MS4A4A: variants seen among roughly 807,000 people sequenced by gnomAD.
MS4A4A encodes membrane-spanning 4-domains subfamily A member 4A.
Under a neutral mutation model 28.0 loss-of-function variants are expected in MS4A4A, and 26 were observed. The ratio of observed to expected loss-of-function variants is 0.93; its 90% CI spans 0.68 to 1.29. The LOEUF (loss-of-function observed/expected upper bound fraction) is 1.29. Ranked by LOEUF, MS4A4A falls within the 50% of genes most tolerant of loss-of-function variation. The probability of loss-of-function intolerance (pLI) is 0.00; values close to 1 mark genes in which losing one functional copy is unlikely to be tolerated. For synonymous variants in MS4A4A, 86 were observed against 100.8 expected (o/e 0.85, Z 0.88); for missense variants, 290 against 293.1 (o/e 0.99, Z 0.08).
At chr11:60,306,472 A>G (rs548037993) in intron 6 of MS4A4A, among the ~76,000 whole-genome samples, 66 of 152,324 alleles carry the variant, frequency 4.3e-4, no homozygotes, top group African/African-American at 1.6e-3. Flanking sequence ...TGGAGAACTC[A>G]TGACAATGTA....
At chr11:60,300,868 C>A in intron 3 of MS4A4A, 133 bp from the exon 4 acceptor site, 1 of 617,498 alleles carries the variant, frequency 1.6e-6, no homozygotes, top group South Asian at 2.1e-5. Context: ...AAATAATGTG[C>A]AAACCTTTGT....
At chr11:60,297,418 A>G in intron 3 of MS4A4A, 93 bp downstream of exon 3, 1 of 1,432,766 alleles carries the variant, frequency 7.0e-7, no homozygotes, top group Admixed American at 2.1e-5. Context: ...GTATCTTGTA[A>G]TTCTGTAAAT....
Position 60,308,535 on chromosome 11 carries a change from A to G in MS4A4A, c.*357A>G, listed in dbSNP as rs943925179. ...TTGGCAAATAAGGTTTGGAAGCAGA[A>G]GAGCAAAAAAAAGATATTGTTAAAA... On this transcript the variant is annotated 3_prime_UTR_variant, in exon 7 of 7. Coordinates refer to ENST00000337908, the MANE Select transcript of MS4A4A (RefSeq NM_148975.3). 1.1e-5 allele frequency: 2 copies of G among 188,834 alleles called. No individual in the cohort carries two copies. The highest frequency in any genetic ancestry group is 4.7e-5 in the African/African-American group (2 of 42,932). The allele number at this position is 188,834 out of a possible 1,614,324, so 11.7% of individuals were successfully genotyped here.
At chr11:60,296,928 G>A (rs576728820) in intron 2 of MS4A4A, 46 of 371,470 alleles carry the variant, frequency 1.2e-4, no homozygotes, top group African/African-American at 8.1e-4. Context: ...AAGTAACATC[G>A]TAGGTATCAG....
chr11:60,291,590 G>A (rs936145608), intron 1 of MS4A4A, among the ~76,000 whole-genome samples: 1 of 152,010 alleles, frequency 6.6e-6, no homozygotes, highest in Non-Finnish European at 1.5e-5. Flanking sequence ...ACAAGGTCAG[G>A]AGATGGAGAC....
At chr11:60,289,027 A>C (rs1565143826) in intron 1 of MS4A4A, among the ~76,000 whole-genome samples, 1 of 152,114 alleles carries the variant, frequency 6.6e-6, no homozygotes, top group Admixed American at 6.5e-5. Context: ...CAGCAGGTAG[A>C]GAGTAGACAG....
intron 1 of MS4A4A, among the ~76,000 whole-genome samples, chr11:60,281,707 A>T (rs1461518055): frequency 1.3e-5 from 2 of 152,148 alleles, no homozygotes; most frequent in African/African-American, 4.8e-5. Context: ...AAAATGAGGA[A>T]ATAAGAGACT....
At chr11:60,307,159 A>G (rs1208313424) in intron 6 of MS4A4A, among the ~76,000 whole-genome samples, 1 of 152,192 alleles carries the variant, frequency 6.6e-6, no homozygotes, top group Non-Finnish European at 1.5e-5. Context: ...GACAAAACCA[A>G]CAGCCAAATA....
chr11:60,302,937 T>C (rs1488430415), intron 5 of MS4A4A, among the ~76,000 whole-genome samples: 1 of 152,230 alleles, frequency 6.6e-6, no homozygotes, highest in East Asian at 1.9e-4. Flanking sequence ...AGAAAGCTTA[T>C]AGTTATAGAA....
chr11:60,308,260 T>G lies in MS4A4A; in HGVS notation c.*82T>G, dbSNP rs76673655. 0.015 allele frequency: 19,851 copies of G among 1,316,270 alleles called. 199 individuals are homozygous for G. Among genetic ancestry groups the G allele is most frequent in the Non-Finnish European group, 0.018 (16,317 of 915,816 alleles). The allele number at this position is 1,316,270 out of a possible 1,614,324, so 81.5% of individuals were successfully genotyped here. A position where few individuals can be genotyped will look rare whatever the true frequency, so the allele number is the denominator to read the frequency against. On this transcript the variant is annotated 3_prime_UTR_variant, in exon 7 of 7. Coordinates refer to ENST00000337908, the MANE Select transcript of MS4A4A (RefSeq NM_148975.3). The stretch of plus-strand genomic sequence containing the variant: ...AGAGCCTCACATGAGAAATTACCAG[T>G]ATCCAACTTCGATACTGATAGACTT...
intron 2 of MS4A4A, among the ~76,000 whole-genome samples, chr11:60,293,430 C>T (rs899346440): frequency 6.6e-6 from 1 of 152,150 alleles, no homozygotes; most frequent in South Asian, 2.1e-4. Flanking sequence ...ATCCCATATG[C>T]CCCTTGCCCC....
rs369101896 is a variant in MS4A4A at position 60,303,095 on chromosome 11, T to C, written c.546+378T>C. Among the ~76,000 whole-genome samples the C allele has an allele frequency of 6.6e-5, 10 of 152,340 alleles. No homozygotes were observed. In the South Asian group the frequency reaches 1.9e-3, roughly 28 times the overall value. On this transcript the variant is annotated intron_variant, in intron 5 of 6. Transcript: ENST00000337908. ...ATTCTCTAATAATGAAGTAAAATTG[T>C]CTTGAACAGTATTTTACAAGTGGTG...
At chr11:60,306,655 TGA>T (rs1232963801) in intron 6 of MS4A4A, among the ~76,000 whole-genome samples, 2 of 152,152 alleles carry the variant, frequency 1.3e-5, no homozygotes, top group Non-Finnish European at 2.9e-5. Context: ...CATCCACACT[TGA>T]GAGAAGGGAA....
intron 1 of MS4A4A, among the ~76,000 whole-genome samples, chr11:60,287,549 GC>G (rs1205112065): frequency 1.3e-5 from 2 of 152,224 alleles, no homozygotes; most frequent in Non-Finnish European, 2.9e-5. Flanking sequence ...TGAAACCATA[GC>G]ATCTCATCTA....
chr11:60,292,121 G>T lies in MS4A4A; in HGVS notation c.42-104G>T. The T allele has an allele frequency of 3.0e-6, 4 of 1,340,702 alleles. No individual in the cohort carries two copies. The South Asian group carries it at 6.9e-5, about 23-fold the overall frequency. The allele number at this position is 1,340,702 out of a possible 1,614,324, so 83.1% of individuals were successfully genotyped here. ...TAACAGCTATTATGATATGGGAAGAGAATGTAGACCAGATTCTGTCCTTAG... is the reference window on the plus strand; with the variant it reads ...TAACAGCTATTATGATATGGGAAGATAATGTAGACCAGATTCTGTCCTTAG... On this transcript the variant is annotated intron_variant, in intron 1 of 6. Coordinates refer to ENST00000337908, the MANE Select transcript of MS4A4A (RefSeq NM_148975.3).
chr11:60,289,574 AGTGTGTGTGT>A (rs747454290), intron 1 of MS4A4A, among the ~76,000 whole-genome samples: 1 of 131,076 alleles, frequency 7.6e-6, no homozygotes, highest in African/African-American at 2.8e-5. Context: ...TGTTTTGGGG[AGTGTGTGTGT>A]GTGTGTGTGT....
chr11:60,308,029 A>T (rs2135038204), intron 6 of MS4A4A, 78 bp from the exon 7 acceptor site: 1 of 1,224,978 alleles, frequency 8.2e-7, no homozygotes, highest in Non-Finnish European at 1.2e-6. Context: ...TCTGATAATG[A>T]TGACTTTATG....
At position 60,308,249 on chromosome 11, in the gene MS4A4A, G is replaced by A; in HGVS notation, c.*71G>A. Reference sequence around the variant, plus strand: ...ACTGTGACACAAGAGCCTCACATGAGAAATTACCAGTATCCAACTTCGATA... The same window carrying A: ...ACTGTGACACAAGAGCCTCACATGAAAAATTACCAGTATCCAACTTCGATA... On this transcript the variant is annotated 3_prime_UTR_variant, in exon 7 of 7. Transcript: ENST00000337908. 1 of 1,422,104 alleles carries A rather than the reference G, an allele frequency of 7.0e-7. No homozygotes were observed. The highest frequency in any genetic ancestry group is 9.9e-7 in the Non-Finnish European group (1 of 1,010,156). 88.1% of individuals were successfully genotyped at this position (1,422,104 alleles called of 1,614,324 possible).
intron 4 of MS4A4A, among the ~76,000 whole-genome samples, chr11:60,301,968 T>G (rs2084956574): frequency 6.6e-6 from 1 of 152,094 alleles, no homozygotes. Flanking sequence ...TTAGTAGAGA[T>G]AGGGTTTCTC....
Sources: gnomAD v4.1 joint callset for allele counts (sites outside exome capture counted in the v4.1 genomes callset) on GRCh38, gnomAD v4.1.1 for gene constraint, MANE v1.5 for transcripts, NCBI Gene and HGNC (gene_info 2026-07-23, HGNC 2026-07-21) for gene names.